TTC6: variants seen among roughly 807,000 people sequenced by gnomAD.
The protein encoded by TTC6 is tetratricopeptide repeat protein 6.
TTC6 carries 172 observed loss-of-function variants against 210.4 expected under a neutral mutation model. The observed-to-expected ratio is 0.82, with a 90% CI of 0.72 to 0.93. The LOEUF (loss-of-function observed/expected upper bound fraction) is 0.93, where lower values mean the gene tolerates loss of function less well. TTC6 is among the 40% of genes least tolerant of loss of function. The pLI is 0.00. For missense variants in TTC6, 2,414 were observed against 2,318.1 expected (o/e 1.04, Z -0.85); for synonymous variants, 804 against 819.6 (o/e 0.98, Z 0.32).
intron 20 of TTC6, among the ~76,000 whole-genome samples, chr14:37,799,720 G>C (rs2096101628): frequency 6.6e-6 from 1 of 152,070 alleles, no homozygotes; most frequent in African/African-American, 2.4e-5. Context: ...ACAATCTTCA[G>C]CCAATAGCCA....
intron 1 of TTC6, among the ~76,000 whole-genome samples, chr14:37,604,998 A>G (rs2095622488): frequency 6.6e-6 from 1 of 152,234 alleles, no homozygotes; most frequent in Non-Finnish European, 1.5e-5. Flanking sequence ...TCCACCTGAA[A>G]TGAAACGAGC....
At chr14:37,723,440 T>C (rs1236552827) in intron 6 of TTC6, among the ~76,000 whole-genome samples, 2 of 152,204 alleles carry the variant, frequency 1.3e-5, no homozygotes, top group Non-Finnish European at 2.9e-5. Flanking sequence ...TAAACATCTG[T>C]ATCTATAGTA....
chr14:37,748,850 A>C, intron 10 of TTC6, 89 bp from the exon 13 acceptor site: 2 of 1,011,164 alleles, frequency 2.0e-6, no homozygotes, highest in South Asian at 4.0e-5. Flanking sequence ...GATAACAAAT[A>C]GTAGTTTTAT....
At chr14:37,831,612 GC>G (rs1421387615) in intron 29 of TTC6, among the ~76,000 whole-genome samples, 53 of 46,034 alleles carry the variant, frequency 1.2e-3, no homozygotes, top group African/African-American at 1.7e-3. Context: ...GTTTGCAATA[GC>G]CATTTTTTTT....
intron 6 of TTC6, among the ~76,000 whole-genome samples, chr14:37,722,494 C>T (rs756911766): frequency 6.6e-6 from 1 of 152,156 alleles, no homozygotes; most frequent in Non-Finnish European, 1.5e-5. Context: ...ACTACAGGCA[C>T]ATGCCATTAC....
At position 37,622,707 on chromosome 14, in the gene TTC6, A is replaced by C. The variant is rs557331376; in HGVS notation, c.643A>C (p.Met215Leu). Residue 215 changes from methionine (M) to leucine (L), a missense_variant, in exon 1 of 31, where the codon ATG (methionine) becomes CTG (leucine). Met to Leu is a conservative substitution (Grantham distance 15, BLOSUM62 2). Coordinates refer to ENST00000553443, the Ensembl canonical transcript of TTC6. ...CTCCGTCTCCGCAGAGGACGGCTAC[A>C]TGGAGGCCAGCAGCGGGCGGAGGAA... 6 of 1,535,052 alleles carry C rather than the reference A, an allele frequency of 3.9e-6. No homozygotes were observed. In the African/African-American group the frequency reaches 6.8e-5, roughly 17 times the overall value.
chr14:37,665,106 T>G (rs998299491), intron 1 of TTC6, among the ~76,000 whole-genome samples: 1 of 150,534 alleles, frequency 6.6e-6, no homozygotes, highest in African/African-American at 2.4e-5. Flanking sequence ...CTCAAATAGC[T>G]TGAGGCAGAA....
chr14:37,804,216 A>G (rs191646062), intron 20 of TTC6, among the ~76,000 whole-genome samples: 10 of 152,184 alleles, frequency 6.6e-5, no homozygotes, highest in East Asian at 5.8e-4. Context: ...ATAAAACCCT[A>G]TTAGGAGGAC....
In TTC6 at chr14:37,822,845, G is replaced by T. The variant is rs553451266; in HGVS notation, c.4764-902G>T. Among the ~76,000 whole-genome samples, 32 of 152,282 alleles carry T rather than the reference G, an allele frequency of 2.1e-4. No homozygotes were observed. The South Asian group carries it at 6.4e-3, about 31-fold the overall frequency. The stretch of plus-strand genomic sequence containing the variant: ...GTTACTGTGCCATTACCTGTGTGCA[G>T]ACTTTTCTGTGCCATAATTTTCCTT... On this transcript the variant is annotated intron_variant, in intron 26 of 30. Coordinates refer to ENST00000553443, the Ensembl canonical transcript of TTC6.
Position 37,828,780 on chromosome 14 carries a change from T to G in TTC6, c.5298+1414T>G, listed in dbSNP as rs553555212. 9.2e-5 allele frequency among the ~76,000 whole-genome samples: 14 copies of G among 152,052 alleles called. No individual in the cohort carries two copies. The East Asian group carries it at 2.5e-3, about 27-fold the overall frequency. Reference sequence around the variant, plus strand: ...AGGGTATCTACTATCAGGATGTGGATTTAAGTCTACATTTAGGAAGTCTAT... The same window carrying G: ...AGGGTATCTACTATCAGGATGTGGAGTTAAGTCTACATTTAGGAAGTCTAT... On this transcript the variant is annotated intron_variant, in intron 29 of 30. Transcript: ENST00000553443.
chr14:37,610,998 G>T (rs943498665), intron 2 of TTC6, among the ~76,000 whole-genome samples: 8 of 152,226 alleles, frequency 5.3e-5, no homozygotes, highest in African/African-American at 1.4e-4. Context: ...CTCCGCAAAA[G>T]CTGCCAATCC....
chr14:37,715,453 T>C (rs1205516202), intron 6 of TTC6, among the ~76,000 whole-genome samples: 1 of 151,946 alleles, frequency 6.6e-6, no homozygotes, highest in Non-Finnish European at 1.5e-5. Flanking sequence ...TATTCAAGCT[T>C]CTGAAAATGA....
At chr14:37,682,961 A>T in exon 3 of TTC6, 2 of 1,534,576 alleles carry the variant, frequency 1.3e-6, no homozygotes, top group Non-Finnish European at 1.7e-6. Flanking sequence ...GGGTGTCTTT[A>T]ACGGTAAGAA....
At chr14:37,728,795 A>G (rs117850829) in intron 7 of TTC6, among the ~76,000 whole-genome samples, 2,258 of 152,276 alleles carry the variant, frequency 0.015, 26 homozygotes, top group Non-Finnish European at 0.022. Context: ...GGCTATTACA[A>G]TTACTTCAGA....
At chr14:37,831,005 A>G (rs1378427020) in intron 29 of TTC6, among the ~76,000 whole-genome samples, 1 of 152,156 alleles carries the variant, frequency 6.6e-6, no homozygotes, top group South Asian at 2.1e-4. Flanking sequence ...CTGCTGTGCT[A>G]TCAAATACTA....
At chr14:37,820,926 T>TCTCCTCCTTCTTCTCCTCCTC (rs2096154498) in intron 26 of TTC6, among the ~76,000 whole-genome samples, 1 of 137,030 alleles carries the variant, frequency 7.3e-6, no homozygotes. Flanking sequence ...TTCTCCTCCT[T>TCTCCTCCTTCTTCTCCTCCTC]CTTCTCCTCC....
At chr14:37,742,411 TG>T (rs1331405089) in intron 10 of TTC6, among the ~76,000 whole-genome samples, 70 of 141,428 alleles carry the variant, frequency 4.9e-4, no homozygotes, top group African/African-American at 1.4e-3. Context: ...TTTTTTGTTT[TG>T]TTTTTTTTGT....
At chr14:37,716,741 T>C (rs2095853381) in intron 6 of TTC6, among the ~76,000 whole-genome samples, 1 of 152,106 alleles carries the variant, frequency 6.6e-6, no homozygotes, top group South Asian at 2.1e-4. Flanking sequence ...GTTGGAGAGT[T>C]CAGCATTTCT....
At chr14:37,666,437 G>A (rs375894817) in intron 1 of TTC6, among the ~76,000 whole-genome samples, 1 of 126,084 alleles carries the variant, frequency 7.9e-6, no homozygotes, top group Admixed American at 7.9e-5. Flanking sequence ...ACATAGTGAG[G>A]CCCTGTCTCA....
Sources: gnomAD v4.1 joint callset for allele counts (sites outside exome capture counted in the v4.1 genomes callset) on GRCh38, gnomAD v4.1.1 for gene constraint, MANE v1.5 for transcripts, NCBI Gene and HGNC (gene_info 2026-07-23, HGNC 2026-07-21) for gene names.